Variants in ECE1 observed in about 807,000 individuals in gnomAD.
ECE1 encodes endothelin-converting enzyme 1.
Under a neutral mutation model 98.6 loss-of-function variants are expected in ECE1, and 35 were observed. The observed-to-expected ratio is 0.35, with a 90% CI of 0.27 to 0.47. The LOEUF is 0.47. ECE1 is among the 20% of genes least tolerant of loss of function. The pLI, the probability that ECE1 is intolerant of heterozygous loss-of-function variation, is 1.00. For missense variants in ECE1, 814 were observed against 1,025.3 expected, an observed-to-expected ratio of 0.79 and a Z score of 2.81; for synonymous variants, 394 against 407.1, an observed-to-expected ratio of 0.97 and a Z score of 0.39.
intron 1 of ECE1, among the ~76,000 whole-genome samples, chr1:21,328,125 C>G (rs997514507): frequency 2.6e-5 from 4 of 152,186 alleles, no homozygotes; most frequent in Non-Finnish European, 5.9e-5. Context: ...GTCACTCACC[C>G]CAGGACCTTT....
chr1:21,316,675 G>A (rs897346585), intron 1 of ECE1, among the ~76,000 whole-genome samples: 2 of 152,152 alleles, frequency 1.3e-5, no homozygotes, highest in Non-Finnish European at 2.9e-5. Context: ...ATGTGCTGTG[G>A]TTGTGAATGA....
At chr1:21,266,379 A>T (rs925043710) in intron 4 of ECE1, 2 of 152,166 alleles carry the variant, frequency 1.3e-5, no homozygotes, top group Non-Finnish European at 2.9e-5. Context: ...CTCCGTTCAG[A>T]CAGTCACAGG....
In ECE1 at chr1:21,260,142, G is replaced by T. The variant is rs1453413996; in HGVS notation, c.615+129C>A. 1 of 1,391,128 alleles carries T rather than the reference G, an allele frequency of 7.2e-7. No individual in the cohort carries two copies. The highest frequency in any genetic ancestry group is 1.0e-6 in the Non-Finnish European group (1 of 984,314). The allele number at this position is 1,391,128 out of a possible 1,614,324, so 86.2% of individuals were successfully genotyped here. On this transcript the variant is annotated intron_variant, in intron 5 of 18. Coordinates refer to ENST00000374893, the MANE Select transcript of ECE1 (RefSeq NM_001397.3). The surrounding 1 kb of genome is among the most constrained non-coding windows in gnomAD (Gnocchi z 4.3). ...TCGCACACTCGCTCTCTCTCTTTCTGTCTTTCTCTTGGTGCTACCGGCTGG... is the reference window on the plus strand; with the variant it reads ...TCGCACACTCGCTCTCTCTCTTTCTTTCTTTCTCTTGGTGCTACCGGCTGG...
chr1:21,264,662 A>C (rs957448418), intron 4 of ECE1, among the ~76,000 whole-genome samples: 2 of 152,178 alleles, frequency 1.3e-5, no homozygotes, highest in African/African-American at 4.8e-5. Context: ...CATCCCCAAC[A>C]GGGGCAATAC....
intron 1 of ECE1, chr1:21,298,154 T>C (rs1426552869): frequency 1.3e-5 from 2 of 157,758 alleles, no homozygotes; most frequent in East Asian, 3.7e-4. Flanking sequence ...CAGGACTTTC[T>C]CAAGTGGAAC....
intron 3 of ECE1, among the ~76,000 whole-genome samples, chr1:21,276,524 TA>T (rs1312649260): frequency 6.6e-6 from 1 of 152,186 alleles, no homozygotes; most frequent in Non-Finnish European, 1.5e-5. Context: ...ATGCTTTCTT[TA>T]AAATATGTTC....
At chr1:21,310,805 C>T (rs3026839) in intron 1 of ECE1, among the ~76,000 whole-genome samples, 32 of 152,100 alleles carry the variant, frequency 2.1e-4, no homozygotes, top group African/African-American at 7.0e-4. Context: ...TTTTGACGAA[C>T]GAAGAAAACG....
intron 1 of ECE1, among the ~76,000 whole-genome samples, chr1:21,295,760 T>A (rs1341515332): frequency 1.3e-5 from 2 of 152,238 alleles, no homozygotes. Flanking sequence ...ATGTATTTTA[T>A]TTATAACCTA....
chr1:21,309,337 G>C (rs1411394593), intron 1 of ECE1, among the ~76,000 whole-genome samples: 1 of 152,212 alleles, frequency 6.6e-6, no homozygotes, highest in Admixed American at 6.5e-5. Flanking sequence ...CCTTGAGTGA[G>C]TTACTTAACC....
intron 1 of ECE1, among the ~76,000 whole-genome samples, chr1:21,305,681 C>A (rs1323980757): frequency 6.6e-6 from 1 of 152,090 alleles, no homozygotes; most frequent in African/African-American, 2.4e-5. Context: ...TGAGAGTGGC[C>A]TCTGGAAAGG....
chr1:21,336,904 G>A (rs1162985573), intron 1 of ECE1, among the ~76,000 whole-genome samples: 4 of 152,018 alleles, frequency 2.6e-5, no homozygotes, highest in South Asian at 2.1e-4. Flanking sequence ...TGTGGCAAAC[G>A]CCTGTAATCC....
chr1:21,326,846 G>A (rs1425067373), intron 1 of ECE1, among the ~76,000 whole-genome samples: 1 of 152,048 alleles, frequency 6.6e-6, no homozygotes, highest in Non-Finnish European at 1.5e-5. Flanking sequence ...GCACAGAGAG[G>A]GTCTCCCCAG....
chr1:21,263,778 A>C (rs958276375), intron 4 of ECE1, among the ~76,000 whole-genome samples: 8 of 151,996 alleles, frequency 5.3e-5, no homozygotes, highest in African/African-American at 1.9e-4. Context: ...CCCCACTGCC[A>C]ATGCTGGCTG....
At chr1:21,283,225 G>A (rs1305006014) in intron 2 of ECE1, among the ~76,000 whole-genome samples, 1 of 151,614 alleles carries the variant, frequency 6.6e-6, no homozygotes, top group Non-Finnish European at 1.5e-5. Context: ...AATTATAGGC[G>A]TGAGCCACAG....
intron 1 of ECE1, among the ~76,000 whole-genome samples, chr1:21,297,400 G>A (rs971225365): frequency 1.3e-5 from 2 of 152,102 alleles, no homozygotes; most frequent in African/African-American, 4.8e-5. Context: ...CCTCTGTCCA[G>A]GCCCACTGGG....
chr1:21,230,545 TCTGG>T (rs1473995589), intron 14 of ECE1, among the ~76,000 whole-genome samples: 5 of 151,958 alleles, frequency 3.3e-5, no homozygotes, highest in Non-Finnish European at 7.4e-5. Context: ...CGCCACCACG[TCTGG>T]CTAATTTTTT....
intron 1 of ECE1, among the ~76,000 whole-genome samples, chr1:21,310,761 C>T (rs1346320956): frequency 6.6e-6 from 1 of 152,126 alleles, no homozygotes. Context: ...CTTGGCTCTC[C>T]CAGCCCTCTG....
At chr1:21,269,993 T>C (rs1180949798) in intron 4 of ECE1, among the ~76,000 whole-genome samples, 1 of 152,192 alleles carries the variant, frequency 6.6e-6, no homozygotes, top group African/African-American at 2.4e-5. Context: ...GGACTCAATC[T>C]TGGCTCAGAC....
chr1:21,244,848 C>A, intron 10 of ECE1, 141 bp downstream of exon 10: 1 of 778,276 alleles, frequency 1.3e-6, no homozygotes, highest in Non-Finnish European at 2.2e-6. Flanking sequence ...CTCCTCTTTA[C>A]CCTTTACTTG....
Sources: allele counts gnomAD v4.1 joint callset (sites outside exome capture counted in the v4.1 genomes callset), GRCh38; gene constraint gnomAD v4.1.1; non-coding constraint Gnocchi (gnomAD v3.1); transcripts MANE v1.5; gene names NCBI Gene and HGNC (gene_info 2026-07-23, HGNC 2026-07-21).